Variants in MRE11 observed in about 807,000 individuals in gnomAD.
The protein encoded by MRE11 is MRE11 double strand break repair nuclease.
A neutral mutation model predicts 91.7 loss-of-function variants in MRE11; 62 were observed. The observed-to-expected ratio is 0.68, with a 90% CI of 0.55 to 0.84. The LOEUF (loss-of-function observed/expected upper bound fraction) is 0.84, where lower values mean the gene tolerates loss of function less well. MRE11 is among the 40% of genes least tolerant of loss of function. The probability of loss-of-function intolerance (pLI) is 0.00; values close to 1 mark genes in which losing one functional copy is unlikely to be tolerated. For missense variants in MRE11, 796 were observed against 852.9 expected, an observed-to-expected ratio of 0.93 and a Z score of 0.83; for synonymous variants, 273 against 271.4, an observed-to-expected ratio of 1.01 and a Z score of -0.06.
At chr11:94,489,929 C>T (rs755477532) in intron 3 of MRE11, among the ~76,000 whole-genome samples, 7 of 152,136 alleles carry the variant, frequency 4.6e-5, no homozygotes, top group Non-Finnish European at 1.0e-4. Flanking sequence ...ACTCCACACA[C>T]TTCAGAGTCA....
chr11:94,470,709 G>A (rs1309926248), intron 8 of MRE11, 67 bp from the exon 9 acceptor site: 1 of 1,491,574 alleles, frequency 6.7e-7, no homozygotes, highest in Non-Finnish European at 9.3e-7. Context: ...GCAAACGAAA[G>A]CTTTCATATT....
intron 19 of MRE11, among the ~76,000 whole-genome samples, chr11:94,424,942 G>C (rs1451847003): frequency 1.3e-5 from 2 of 152,188 alleles, no homozygotes; most frequent in Non-Finnish European, 2.9e-5. Flanking sequence ...ATACAGTCCA[G>C]AAAAATTTCT....
intron 9 of MRE11, among the ~76,000 whole-genome samples, chr11:94,469,113 G>A (rs1163779004): frequency 6.6e-6 from 1 of 151,782 alleles, no homozygotes; most frequent in South Asian, 2.1e-4. Context: ...GTGCACACCT[G>A]GTGTTTAAAA....
At chr11:94,479,598 GA>G in intron 5 of MRE11, 75 bp downstream of exon 5, 1 of 1,260,060 alleles carries the variant, frequency 7.9e-7, no homozygotes, top group Admixed American at 1.7e-5. Flanking sequence ...GAGAAAAAGG[GA>G]AGGCATGCTT....
At chr11:94,469,687 G>A (rs918504083) in intron 9 of MRE11, among the ~76,000 whole-genome samples, 2 of 152,244 alleles carry the variant, frequency 1.3e-5, no homozygotes, top group East Asian at 1.9e-4. Flanking sequence ...ACTATAGATG[G>A]TAGAAACTAC....
At chr11:94,496,762 C>T, upstream of MRE11, 1 of 1,613,622 alleles carries the variant, frequency 6.2e-7, no homozygotes, top group Non-Finnish European at 8.5e-7. Flanking sequence ...TTTCTGAACA[C>T]TTTAACCAAC....
chr11:94,429,012 C>T (rs1447159283), intron 19 of MRE11, among the ~76,000 whole-genome samples: 2 of 152,112 alleles, frequency 1.3e-5, no homozygotes, highest in East Asian at 1.9e-4. Context: ...AATCAAATAA[C>T]TGCATCAGAA....
chr11:94,451,771 G>A (rs1262871931), intron 14 of MRE11, among the ~76,000 whole-genome samples: 1 of 152,074 alleles, frequency 6.6e-6, no homozygotes. Context: ...AAACAAATAA[G>A]CTGATGAATA....
rs1249049997 is a variant in MRE11, at chr11:94,418,911, T to C, written c.*1214A>G. On this transcript the variant is annotated 3_prime_UTR_variant, in exon 20 of 20. Coordinates refer to ENST00000323929, the MANE Select transcript of MRE11 (RefSeq NM_005591.4). ...TGTCTGTCTCTTATAATTTGACACATTCCAGGTATGACTATTCTAATGGTC... is the reference window on the plus strand; with the variant it reads ...TGTCTGTCTCTTATAATTTGACACACTCCAGGTATGACTATTCTAATGGTC... 1 of 230,774 alleles carries C rather than the reference T, an allele frequency of 4.3e-6. No individual in the cohort carries two copies. Among genetic ancestry groups the C allele is most frequent in the Non-Finnish European group, 8.6e-6 (1 of 116,624 alleles). The allele number at this position is 230,774 out of a possible 1,614,324, so 14.3% of individuals were successfully genotyped here.
intron 2 of MRE11, 90 bp downstream of exon 2, chr11:94,492,692 C>T: frequency 2.6e-6 from 4 of 1,534,908 alleles, no homozygotes; most frequent in Non-Finnish European, 3.6e-6. Context: ...TTATTTACTG[C>T]TTATTAAATA....
In MRE11 at chr11:94,459,399, GTTAC is replaced by G. The variant is rs1946352469; in HGVS notation, c.1500+5_1500+8del. The stretch of plus-strand genomic sequence containing the variant: ...TAAATAGACCTAGACACTCAAATTA[GTTAC>G]TTACCTCCTCATCGATTTTGTCTTC... On this transcript the variant is annotated splice_donor_5th_base_variant and intron_variant, in intron 13 of 19. Coordinates refer to ENST00000323929, the MANE Select transcript of MRE11 (RefSeq NM_005591.4). 9.3e-6 allele frequency: 15 copies of G among 1,613,622 alleles called. No homozygotes were observed. The highest frequency in any genetic ancestry group is 1.2e-5 in the Non-Finnish European group (14 of 1,179,810).
chr11:94,455,995 C>G (rs397509429), intron 14 of MRE11, among the ~76,000 whole-genome samples: 1 of 152,142 alleles, frequency 6.6e-6, no homozygotes, highest in Non-Finnish European at 1.5e-5. Flanking sequence ...CCTGGGCTCA[C>G]GCAATCCCCT....
intron 14 of MRE11, among the ~76,000 whole-genome samples, chr11:94,448,701 A>C (rs1946013485): frequency 6.6e-6 from 1 of 152,130 alleles, no homozygotes; most frequent in African/African-American, 2.4e-5. Context: ...AGGACCAAGA[A>C]CATGCCACGC....
rs1324013788 is a variant in MRE11, at chr11:94,418,107, C to CA, written c.*2017dup. ...CAACAGGTCTGAAAATTGTTAGAAA[C>CA]AAAAAACAAAACTCCCCTAAAACCA... On this transcript the variant is annotated 3_prime_UTR_variant, in exon 20 of 20. Coordinates refer to ENST00000323929, the MANE Select transcript of MRE11 (RefSeq NM_005591.4). 8.6e-6 allele frequency: 2 copies of CA among 232,556 alleles called. No individual in the cohort carries two copies. Among genetic ancestry groups the CA allele is most frequent in the East Asian group, 6.1e-5 (1 of 16,498 alleles). The allele number at this position is 232,556 out of a possible 1,614,324, so 14.4% of individuals were successfully genotyped here. A position where few individuals can be genotyped will look rare whatever the true frequency, so the allele number is the denominator to read the frequency against.
intron 13 of MRE11, among the ~76,000 whole-genome samples, chr11:94,456,825 G>C (rs1161500286): frequency 2.0e-5 from 3 of 152,104 alleles, no homozygotes; most frequent in Non-Finnish European, 4.4e-5. Context: ...TGCTGAGCAT[G>C]GTCCTGGTAT....
At chr11:94,500,447 G>C in the MRE11 span, among the ~76,000 whole-genome samples, 1 of 152,202 alleles carries the variant, frequency 6.6e-6, no homozygotes. Context: ...TCTGTGCACA[G>C]AAGGCAGTCA....
chr11:94,464,259 T>C lies in MRE11; in HGVS notation c.1099-20A>G, dbSNP rs774509024. On this transcript the variant is annotated intron_variant, in intron 10 of 19. Coordinates refer to ENST00000323929, the MANE Select transcript of MRE11 (RefSeq NM_005591.4). ...GTCCACCTGAAAACACAGAATAATC[T>C]ATGAACGCTAGGAAACAACAATTTG... 1 of 1,613,630 alleles carries C rather than the reference T, an allele frequency of 6.2e-7. No individual in the cohort carries two copies. The highest frequency in any genetic ancestry group is 8.5e-7 in the Non-Finnish European group (1 of 1,179,718).
At chr11:94,462,398 T>A (rs961322265) in intron 11 of MRE11, among the ~76,000 whole-genome samples, 3 of 152,268 alleles carry the variant, frequency 2.0e-5, no homozygotes, top group Admixed American at 2.0e-4. Context: ...AAGCTACCAA[T>A]GACTTTCTTC....
chr11:94,441,607 C>T (rs958975755), intron 16 of MRE11, among the ~76,000 whole-genome samples: 4 of 152,066 alleles, frequency 2.6e-5, no homozygotes, highest in Non-Finnish European at 5.9e-5. Flanking sequence ...TGTGTACACA[C>T]GAAAAATTAA....
Sources: gnomAD v4.1 joint callset for allele counts (sites outside exome capture counted in the v4.1 genomes callset) on GRCh38, gnomAD v4.1.1 for gene constraint, MANE v1.5 for transcripts, NCBI Gene and HGNC (gene_info 2026-07-23, HGNC 2026-07-21) for gene names.